CACNA2D3: variants seen among roughly 807,000 people sequenced by gnomAD.
CACNA2D3 encodes the protein calcium voltage-gated channel auxiliary subunit alpha2delta 3.
Under a neutral mutation model 160.6 loss-of-function variants are expected in CACNA2D3, and 60 were observed. The observed-to-expected ratio is 0.37, with a 90% CI of 0.30 to 0.46. The LOEUF (loss-of-function observed/expected upper bound fraction) is 0.46. Ranked by LOEUF, CACNA2D3 falls within the 20% of genes least tolerant of loss-of-function variation. The pLI is 1.00. For synonymous variants in CACNA2D3, 558 were observed against 492.9 expected (o/e 1.13, Z -1.75); for missense variants, 1,205 against 1,365.0 (o/e 0.88, Z 1.85).
At chr3:54,759,047 C>T (rs1440571467) in intron 12 of CACNA2D3, among the ~76,000 whole-genome samples, 4 of 152,190 alleles carry the variant, frequency 2.6e-5, no homozygotes, top group Admixed American at 1.3e-4. Context: ...AGGGTAATAT[C>T]TCAGAAACAC....
intron 13 of CACNA2D3, among the ~76,000 whole-genome samples, chr3:54,810,243 C>T (rs1452076966): frequency 6.6e-6 from 1 of 152,108 alleles, no homozygotes; most frequent in African/African-American, 2.4e-5. Flanking sequence ...TTCTGGGTGC[C>T]ATGTAAAGGA....
intron 4 of CACNA2D3, among the ~76,000 whole-genome samples, chr3:54,456,365 T>C (rs574507529): frequency 1.3e-5 from 2 of 152,124 alleles, no homozygotes; most frequent in South Asian, 4.2e-4. Flanking sequence ...GCTAGTTTGT[T>C]GTTGGTGTGT....
chr3:54,450,267 CAT>C (rs1192278603), intron 4 of CACNA2D3, among the ~76,000 whole-genome samples: 10 of 152,298 alleles, frequency 6.6e-5, no homozygotes, highest in South Asian at 4.1e-4. Context: ...AGGACTTCCA[CAT>C]ATCTTTTTGA....
At position 54,899,715 on chromosome 3, in the gene CACNA2D3, C is replaced by T. The variant is rs1183843109; in HGVS notation, c.2369-73C>T. 74 of 1,120,984 alleles carry T rather than the reference C, an allele frequency of 6.6e-5. 1 individual carries two copies. In the East Asian group the frequency reaches 9.7e-4, roughly 15 times the overall value. The allele number at this position is 1,120,984 out of a possible 1,614,324, so 69.4% of individuals were successfully genotyped here. A position where few individuals can be genotyped will look rare whatever the true frequency, so the allele number is the denominator to read the frequency against. On this transcript the variant is annotated intron_variant, in intron 26 of 37. Coordinates refer to ENST00000474759, the MANE Select transcript of CACNA2D3 (RefSeq NM_018398.3). The stretch of plus-strand genomic sequence containing the variant: ...ATTTGCAGAATTGGTGACTGTAGAC[C>T]GATATGATTACTCTCTTAACGTGTA...
chr3:54,666,581 G>A (rs148237593), intron 11 of CACNA2D3, among the ~76,000 whole-genome samples: 411 of 152,310 alleles, frequency 2.7e-3, no homozygotes, highest in African/African-American at 9.5e-3. Context: ...AGTCAGGGAT[G>A]CCTATTAGTT....
intron 2 of CACNA2D3, among the ~76,000 whole-genome samples, chr3:54,179,603 A>G (rs1321313769): frequency 6.6e-6 from 1 of 152,202 alleles, no homozygotes; most frequent in Non-Finnish European, 1.5e-5. Context: ...CTTAATTCAT[A>G]TTTATATGTT....
chr3:54,660,658 C>G (rs561423565), intron 11 of CACNA2D3, among the ~76,000 whole-genome samples: 41 of 152,264 alleles, frequency 2.7e-4, no homozygotes, highest in African/African-American at 9.6e-4. Context: ...GCCCTACTTA[C>G]CTTACCTTAA....
At chr3:54,543,718 G>C (rs1702019062) in intron 5 of CACNA2D3, among the ~76,000 whole-genome samples, 1 of 152,180 alleles carries the variant, frequency 6.6e-6, no homozygotes, top group African/African-American at 2.4e-5. Context: ...AGGACCTCAA[G>C]ATTTTTTAAA....
chr3:54,953,607 TC>T (rs1331853573), intron 27 of CACNA2D3, among the ~76,000 whole-genome samples: 1 of 152,210 alleles, frequency 6.6e-6, no homozygotes, highest in Non-Finnish European at 1.5e-5. Context: ...ACATCCACGA[TC>T]CTTTCTATTT....
chr3:54,299,965 G>A lies in CACNA2D3; in HGVS notation c.205-20477G>A, dbSNP rs1250446727. Among the ~76,000 whole-genome samples the A allele has an allele frequency of 2.0e-5, 3 of 152,274 alleles. No individual in the cohort carries two copies. In the East Asian group the frequency reaches 5.8e-4, roughly 29 times the overall value. On this transcript the variant is annotated intron_variant, in intron 2 of 37. Coordinates refer to ENST00000474759, the MANE Select transcript of CACNA2D3 (RefSeq NM_018398.3). ...GGGATGGTGTAGACCCCCTAACAATGCTGTCCGACCTCCTTCTCTCTCAGC... is the reference window on the plus strand; with the variant it reads ...GGGATGGTGTAGACCCCCTAACAATACTGTCCGACCTCCTTCTCTCTCAGC...
chr3:54,341,210 G>C (rs1007928743), intron 3 of CACNA2D3, among the ~76,000 whole-genome samples: 4 of 152,194 alleles, frequency 2.6e-5, no homozygotes, highest in Non-Finnish European at 5.9e-5. Context: ...AAAGAAGTCC[G>C]GGTGAAAATG....
intron 9 of CACNA2D3, among the ~76,000 whole-genome samples, chr3:54,606,883 C>A (rs1698638842): frequency 6.6e-6 from 1 of 152,172 alleles, no homozygotes; most frequent in South Asian, 2.1e-4. Context: ...ACCTTTTCAG[C>A]AAAATGCACC....
Position 54,855,975 on chromosome 3 carries a change from C to G in CACNA2D3, c.1626+9508C>G, listed in dbSNP as rs147210086. On this transcript the variant is annotated intron_variant, in intron 17 of 37. Transcript: ENST00000474759. ...GCCTCCCCTTCCCCCACAGAGGGGT[C>G]TGTCCCCATTCCTCAAGTCTTCTTG... Among the ~76,000 whole-genome samples the G allele has an allele frequency of 7.0e-3, 1,065 of 152,304 alleles. 11 individuals carry two copies. Among genetic ancestry groups the G allele is most frequent in the African/African-American group, 0.023 (959 of 41,554 alleles).
intron 2 of CACNA2D3, among the ~76,000 whole-genome samples, chr3:54,235,626 C>A (rs1242811008): frequency 6.6e-6 from 1 of 152,194 alleles, no homozygotes; most frequent in African/African-American, 2.4e-5. Flanking sequence ...TATAATTCGA[C>A]ATGAGATTTG....
intron 13 of CACNA2D3, among the ~76,000 whole-genome samples, chr3:54,782,960 C>G (rs928578886): frequency 5.3e-5 from 8 of 152,114 alleles, no homozygotes; most frequent in Non-Finnish European, 7.4e-5. Flanking sequence ...CCCTGTGTTA[C>G]GAGCTTTTGC....
intron 11 of CACNA2D3, among the ~76,000 whole-genome samples, chr3:54,711,990 A>G (rs1410386681): frequency 2.0e-5 from 3 of 152,166 alleles, no homozygotes; most frequent in African/African-American, 4.8e-5. Flanking sequence ...AATAGAGACA[A>G]TTTTGAGTAG....
Position 54,984,650 on chromosome 3 carries a change from G to A in CACNA2D3, c.2599G>A (p.Val867Met). The A allele has an allele frequency of 1.3e-6, 2 of 1,562,910 alleles. No individual in the cohort carries two copies. The highest frequency in any genetic ancestry group is 1.7e-6 in the Non-Finnish European group (2 of 1,149,930). The stretch of plus-strand genomic sequence containing the variant: ...CATAGACAATAATGGATTTATTTTG[G>A]TGTCTGAAGACTACACACAGGTGAG... ...YLIDNNGFIL[V>M]SEDYTQTGDF... The change falls in exon 30 of 38, where the codon GTG (valine) becomes ATG (methionine). Residue 867 changes from valine to methionine, a missense_variant. By Grantham distance (21) the Val-to-Met change is conservative. Around this residue, in one of 3 missense-constraint regions of CACNA2D3, gnomAD observed 911 missense variants for 1,002.2 expected, o/e 0.91. Coordinates refer to ENST00000474759, the MANE Select transcript of CACNA2D3 (RefSeq NM_018398.3).
intron 5 of CACNA2D3, among the ~76,000 whole-genome samples, chr3:54,550,330 G>A (rs935933824): frequency 2.0e-5 from 3 of 152,152 alleles, no homozygotes; most frequent in African/African-American, 7.2e-5. Context: ...TCCTTGCTGG[G>A]CCTCGGTTCC....
At chr3:54,705,739 C>T (rs955740744) in intron 11 of CACNA2D3, among the ~76,000 whole-genome samples, 1 of 152,176 alleles carries the variant, frequency 6.6e-6, no homozygotes, top group Non-Finnish European at 1.5e-5. Flanking sequence ...AATAGGGCAT[C>T]TTCCTGGTTA....
Sources: allele counts gnomAD v4.1 joint callset (sites outside exome capture counted in the v4.1 genomes callset), GRCh38; gene constraint gnomAD v4.1.1; regional missense constraint gnomAD v4.1.1; transcripts MANE v1.5; gene names NCBI Gene and HGNC (gene_info 2026-07-23, HGNC 2026-07-21).